Variants in NRXN1 observed in about 807,000 individuals in gnomAD.
The protein encoded by NRXN1 is neurexin 1.
A neutral mutation model predicts 150.9 loss-of-function variants in NRXN1; 39 were observed. The observed-to-expected ratio is 0.26, with a 90% CI of 0.20 to 0.34. The LOEUF (loss-of-function observed/expected upper bound fraction) is 0.34. Among genes scored for constraint, NRXN1 ranks in the 10% least tolerant of loss-of-function variants. The probability of loss-of-function intolerance (pLI) is 1.00; values close to 1 mark genes in which losing one functional copy is unlikely to be tolerated. For missense variants in NRXN1, 1,815 were observed against 1,949.9 expected, an observed-to-expected ratio of 0.93 and a Z score of 1.30; for synonymous variants, 924 against 757.0, an observed-to-expected ratio of 1.22 and a Z score of -3.62.
chr2:50,042,423 G>A (rs1463549606), intron 21 of NRXN1, among the ~76,000 whole-genome samples: 2 of 152,130 alleles, frequency 1.3e-5, no homozygotes, highest in East Asian at 3.9e-4. Context: ...AGAAGCATGT[G>A]TTTGCTTCCT....
intron 7 of NRXN1, 64 bp downstream of exon 7, chr2:50,621,162 A>C (rs1167486949): frequency 7.0e-7 from 1 of 1,433,060 alleles, no homozygotes; most frequent in East Asian, 2.5e-5. Flanking sequence ...GAAAGAAAAC[A>C]CACGGCAAAC....
intron 5 of NRXN1, among the ~76,000 whole-genome samples, chr2:50,778,674 A>G (rs987714640): frequency 1.3e-5 from 2 of 152,134 alleles, no homozygotes; most frequent in South Asian, 2.1e-4. Flanking sequence ...AGAAACTAGA[A>G]AGAGGGATAT....
At chr2:50,585,557 C>A (rs567115361) in intron 8 of NRXN1, among the ~76,000 whole-genome samples, 2 of 152,124 alleles carry the variant, frequency 1.3e-5, no homozygotes, top group African/African-American at 2.4e-5. Context: ...ACATGCCCAA[C>A]AGGATTACAA....
At chr2:50,943,214 C>G (rs571622090) in intron 2 of NRXN1, among the ~76,000 whole-genome samples, 11 of 152,196 alleles carry the variant, frequency 7.2e-5, no homozygotes, top group Admixed American at 4.6e-4. Flanking sequence ...TCAATTAAAC[C>G]TCTTTTCTTT....
chr2:50,388,793 C>A (rs2081493006), intron 17 of NRXN1, among the ~76,000 whole-genome samples: 1 of 151,980 alleles, frequency 6.6e-6, no homozygotes, highest in African/African-American at 2.4e-5. Flanking sequence ...TCTTCCATTT[C>A]TTTGACACCC....
At chr2:50,325,839 T>A (rs936812739) in intron 17 of NRXN1, among the ~76,000 whole-genome samples, 1 of 152,220 alleles carries the variant, frequency 6.6e-6, no homozygotes, top group African/African-American at 2.4e-5. Flanking sequence ...ATTAATCTGA[T>A]AACATTTGTG....
At chr2:50,183,262 A>T (rs2060851117) in intron 18 of NRXN1, among the ~76,000 whole-genome samples, 1 of 152,116 alleles carries the variant, frequency 6.6e-6, no homozygotes, top group African/African-American at 2.4e-5. Flanking sequence ...TTGAATAAAA[A>T]TTGGCATCTG....
At position 50,667,819 on chromosome 2, in the gene NRXN1, G is replaced by C. The variant is rs1279172923; in HGVS notation, c.833-44204C>G. Among the ~76,000 whole-genome samples the C allele has an allele frequency of 2.6e-5, 4 of 151,910 alleles. No homozygotes were observed. In the East Asian group the frequency reaches 7.8e-4, roughly 29 times the overall value. On this transcript the variant is annotated intron_variant, in intron 5 of 22. Coordinates refer to ENST00000401669, the MANE Select transcript of NRXN1 (RefSeq NM_001330078.2). Reference sequence around the variant, plus strand: ...TGTATCTATTCTAACTGCATTAAAAGTTCCCAGAGTTTTGGAGCCATAGTC... The same window carrying C: ...TGTATCTATTCTAACTGCATTAAAACTTCCCAGAGTTTTGGAGCCATAGTC...
chr2:50,317,091 G>C (rs149352205), intron 17 of NRXN1, among the ~76,000 whole-genome samples: 2 of 151,924 alleles, frequency 1.3e-5, no homozygotes, highest in African/African-American at 4.8e-5. Flanking sequence ...TTTCTGCTCT[G>C]CGTTTAAAAA....
chr2:50,329,654 TA>T (rs2076682365), intron 17 of NRXN1, among the ~76,000 whole-genome samples: 3 of 13,226 alleles, frequency 2.3e-4, no homozygotes, highest in Non-Finnish European at 3.5e-4. Flanking sequence ...TATATATATA[TA>T]TATATATATA....
At chr2:50,447,587 T>C (rs1404245095) in intron 17 of NRXN1, among the ~76,000 whole-genome samples, 1 of 147,168 alleles carries the variant, frequency 6.8e-6, no homozygotes, top group Non-Finnish European at 1.5e-5. Flanking sequence ...GATAGCTCTG[T>C]TTACATCCAG....
At chr2:50,814,021 A>G (rs1360388527) in intron 5 of NRXN1, among the ~76,000 whole-genome samples, 2 of 152,202 alleles carry the variant, frequency 1.3e-5, no homozygotes, top group African/African-American at 4.8e-5. Flanking sequence ...AGAGGAGAAA[A>G]AATTGAGGGC....
chr2:50,294,946 A>G (rs1336511146), intron 17 of NRXN1, among the ~76,000 whole-genome samples: 1 of 152,224 alleles, frequency 6.6e-6, no homozygotes, highest in East Asian at 1.9e-4. Context: ...GGGAAGAGGA[A>G]TGGTTTCTTA....
intron 5 of NRXN1, among the ~76,000 whole-genome samples, chr2:50,675,471 C>A (rs1299871526): frequency 1.3e-5 from 2 of 152,088 alleles, no homozygotes; most frequent in African/African-American, 4.8e-5. Flanking sequence ...AGGAAATCAA[C>A]TAGACTTGGC....
intron 5 of NRXN1, among the ~76,000 whole-genome samples, chr2:50,687,621 A>G (rs1177583026): frequency 6.6e-6 from 1 of 152,188 alleles, no homozygotes; most frequent in Admixed American, 6.6e-5. Context: ...TAAGACTCAG[A>G]GTGGGCACTA....
At chr2:50,209,830 T>TTTAAATCTATGTCGTAC (rs150223089) in intron 18 of NRXN1, among the ~76,000 whole-genome samples, 3 of 151,068 alleles carry the variant, frequency 2.0e-5, no homozygotes, top group Non-Finnish European at 4.4e-5. Context: ...ATGTCATAGA[T>TTTAAATCTATGTCGTAC]TTAAATCTCA....
chr2:50,832,276 G>C (rs1671512662), intron 5 of NRXN1, among the ~76,000 whole-genome samples: 1 of 152,142 alleles, frequency 6.6e-6, no homozygotes, highest in African/African-American at 2.4e-5. Flanking sequence ...GTTCTAAAGT[G>C]ATTGAGTTTT....
chr2:50,909,481 T>C (rs879892997), intron 5 of NRXN1, among the ~76,000 whole-genome samples: 10 of 152,050 alleles, frequency 6.6e-5, no homozygotes, highest in Non-Finnish European at 1.2e-4. Flanking sequence ...CTGATTGTGG[T>C]AGACTTCACA....
chr2:50,157,805 G>C (rs1358891969), intron 18 of NRXN1, among the ~76,000 whole-genome samples: 1 of 151,904 alleles, frequency 6.6e-6, no homozygotes, highest in Non-Finnish European at 1.5e-5. Context: ...GATTTCCAAG[G>C]AAAACACTCT....
Sources: allele counts gnomAD v4.1 joint callset (sites outside exome capture counted in the v4.1 genomes callset), GRCh38; gene constraint gnomAD v4.1.1; transcripts MANE v1.5; gene names NCBI Gene and HGNC (gene_info 2026-07-23, HGNC 2026-07-21).